The following CSMD2 variants were observed in gnomAD, a reference collection of about 807,000 sequenced individuals.
CSMD2 encodes the protein CUB and sushi domain-containing protein 2.
In CSMD2, 130 loss-of-function variants were observed where a neutral mutation model predicts 398.5. The ratio of observed to expected loss-of-function variants is 0.33; its 90% CI spans 0.28 to 0.38. The LOEUF (loss-of-function observed/expected upper bound fraction) is 0.38, where lower values mean the gene tolerates loss of function less well. Ranked by LOEUF, CSMD2 falls within the 10% of genes least tolerant of loss-of-function variation. The probability of loss-of-function intolerance (pLI) is 1.00; values close to 1 mark genes in which losing one functional copy is unlikely to be tolerated. For missense variants in CSMD2, 3,829 were observed against 4,764.9 expected (o/e 0.80, Z 5.78); for synonymous variants, 1,828 against 1,908.5 (o/e 0.96, Z 1.10).
In CSMD2 at chr1:33,766,226, C is replaced by T. The variant is rs146241874; in HGVS notation, c.1846+6343G>A. ...GTTTATGTGTGCGTCAATGTATCTACGGAACATGTCCCTTTTGCATAGGCC... is the reference window on the plus strand; with the variant it reads ...GTTTATGTGTGCGTCAATGTATCTATGGAACATGTCCCTTTTGCATAGGCC... On this transcript the variant is annotated intron_variant, in intron 13 of 70. Transcript: ENST00000373381. 1.3e-3 allele frequency among the ~76,000 whole-genome samples: 197 copies of T among 152,270 alleles called. 1 individual carries two copies. The highest frequency in any genetic ancestry group is 2.1e-3 in the African/African-American group (89 of 41,548).
chr1:33,560,829 G>C (rs1658470724), intron 53 of CSMD2, among the ~76,000 whole-genome samples: 3 of 152,242 alleles, frequency 2.0e-5, no homozygotes, highest in African/African-American at 4.8e-5. Flanking sequence ...GTATGTACCA[G>C]TGCCTGACAT....
At chr1:33,600,340 A>G (rs1640130434) in intron 44 of CSMD2, 1 of 594,226 alleles carries the variant, frequency 1.7e-6, no homozygotes, top group Non-Finnish European at 3.0e-6. Flanking sequence ...AATAAAAATG[A>G]GGAAATATCC....
chr1:33,567,564 T>C, intron 53 of CSMD2, 29 bp downstream of exon 53: 2 of 1,611,120 alleles, frequency 1.2e-6, no homozygotes, highest in Non-Finnish European at 1.7e-6. Flanking sequence ...CTGAGCCCCA[T>C]GACTAGGGAG....
chr1:33,663,375 T>C (rs1190058007), intron 25 of CSMD2, among the ~76,000 whole-genome samples: 2 of 152,024 alleles, frequency 1.3e-5, no homozygotes, highest in African/African-American at 4.8e-5. Flanking sequence ...TCAGACTGCA[T>C]CCCTCTCCTC....
At chr1:33,892,830 A>T (rs1206273157) in intron 5 of CSMD2, among the ~76,000 whole-genome samples, 1 of 152,200 alleles carries the variant, frequency 6.6e-6, no homozygotes, top group Non-Finnish European at 1.5e-5. Flanking sequence ...AAATTCAGTA[A>T]AATAATTTCT....
At chr1:33,748,683 T>C (rs1199995466) in intron 13 of CSMD2, among the ~76,000 whole-genome samples, 1 of 152,084 alleles carries the variant, frequency 6.6e-6, no homozygotes, top group Non-Finnish European at 1.5e-5. Flanking sequence ...AATGAGCCCA[T>C]TACAAAATAA....
chr1:33,714,911 C>A, intron 20 of CSMD2, 136 bp from the exon 21 acceptor site: 2 of 801,954 alleles, frequency 2.5e-6, no homozygotes, highest in South Asian at 3.6e-5. Context: ...CATGCGCACA[C>A]TGGCCCACAA....
chr1:33,656,769 T>G (rs1643960161), intron 27 of CSMD2, among the ~76,000 whole-genome samples: 1 of 152,224 alleles, frequency 6.6e-6, no homozygotes, highest in South Asian at 2.1e-4. Flanking sequence ...TATCCAAATT[T>G]GTCTAAGTTT....
intron 5 of CSMD2, among the ~76,000 whole-genome samples, chr1:33,904,189 G>C (rs981530275): frequency 2.0e-5 from 3 of 152,212 alleles, no homozygotes; most frequent in Non-Finnish European, 4.4e-5. Context: ...CTGCAGAATG[G>C]ATTACAGAGG....
chr1:33,848,925 A>G (rs1262069954), intron 5 of CSMD2, among the ~76,000 whole-genome samples: 1 of 151,764 alleles, frequency 6.6e-6, no homozygotes, highest in African/African-American at 2.4e-5. Context: ...ATTCAGGACC[A>G]AAAGCTCTTT....
intron 2 of CSMD2, among the ~76,000 whole-genome samples, chr1:34,046,709 C>CA (rs1437054905): frequency 6.6e-6 from 1 of 152,212 alleles, no homozygotes; most frequent in African/African-American, 2.4e-5. Flanking sequence ...CCACCGGTAA[C>CA]AATTACAAAT....
chr1:33,856,757 C>T (rs1442232348), intron 5 of CSMD2, among the ~76,000 whole-genome samples: 2 of 152,052 alleles, frequency 1.3e-5, no homozygotes, highest in Admixed American at 1.3e-4. Context: ...ACATCTCACA[C>T]ACACTAAGGC....
chr1:34,012,112 C>A (rs779409814), intron 3 of CSMD2, among the ~76,000 whole-genome samples: 4 of 152,204 alleles, frequency 2.6e-5, no homozygotes, highest in Non-Finnish European at 4.4e-5. Context: ...CAGGAACTGT[C>A]TTGTGGCCCC....
At chr1:33,609,524 A>G (rs1164864839) in intron 41 of CSMD2, among the ~76,000 whole-genome samples, 1 of 152,200 alleles carries the variant, frequency 6.6e-6, no homozygotes, top group African/African-American at 2.4e-5. Context: ...CAACTAAACA[A>G]TAGTAGCCGT....
At chr1:33,961,845 C>T (rs1645372918) in intron 3 of CSMD2, among the ~76,000 whole-genome samples, 1 of 152,170 alleles carries the variant, frequency 6.6e-6, no homozygotes. Flanking sequence ...CAGATGCTGG[C>T]ACTATGCTTC....
intron 24 of CSMD2, among the ~76,000 whole-genome samples, chr1:33,698,370 C>G (rs547461254): frequency 5.1e-4 from 77 of 152,244 alleles, no homozygotes; most frequent in South Asian, 2.1e-3. Context: ...GGGTGGGAGA[C>G]TCATTTGAGT....
At chr1:33,625,617 G>A (rs1406309779) in intron 33 of CSMD2, among the ~76,000 whole-genome samples, 2 of 152,126 alleles carry the variant, frequency 1.3e-5, no homozygotes, top group Non-Finnish European at 2.9e-5. Flanking sequence ...CCTTTGCCCT[G>A]CCTCTGTCCT....
chr1:33,783,098 C>CA (rs1209625785), intron 12 of CSMD2, among the ~76,000 whole-genome samples: 1 of 151,930 alleles, frequency 6.6e-6, no homozygotes, highest in African/African-American at 2.4e-5. Context: ...GGAATGGAGT[C>CA]AGAGGTGGGG....
At chr1:33,966,130 C>T (rs181208803) in intron 3 of CSMD2, among the ~76,000 whole-genome samples, 7 of 152,160 alleles carry the variant, frequency 4.6e-5, no homozygotes, top group Non-Finnish European at 2.9e-5. Context: ...GGACAGGAAA[C>T]CTACATGGCT....
Sources: gnomAD v4.1 joint callset for allele counts (sites outside exome capture counted in the v4.1 genomes callset) on GRCh38, gnomAD v4.1.1 for gene constraint, MANE v1.5 for transcripts, NCBI Gene and HGNC (gene_info 2026-07-23, HGNC 2026-07-21) for gene names.